CLIC5: variants seen among roughly 807,000 people sequenced by gnomAD.
CLIC5 encodes CLIC family member 5.
In CLIC5, 20 loss-of-function variants were observed where a neutral mutation model predicts 24.7. That is an observed-to-expected ratio of 0.81 (90% CI 0.57 to 1.18). The LOEUF (loss-of-function observed/expected upper bound fraction) is 1.18, where lower values mean the gene tolerates loss of function less well. Among genes scored for constraint, CLIC5 ranks in the 50% most tolerant of loss-of-function variants. CLIC5 has a pLI of 0.00. For synonymous variants in CLIC5, 159 were observed against 135.6 expected, an observed-to-expected ratio of 1.17 and a Z score of -1.20; for missense variants, 341 against 326.1, an observed-to-expected ratio of 1.05 and a Z score of -0.35.
chr6:46,002,119 T>A (rs185806188), intron 1 of CLIC5, among the ~76,000 whole-genome samples: 1 of 152,204 alleles, frequency 6.6e-6, no homozygotes, highest in Non-Finnish European at 1.5e-5. Flanking sequence ...CAAGGAGGAA[T>A]GAAGCTGCTA....
Position 45,903,121 on chromosome 6 carries a change from G to A in CLIC5, c.723C>T (p.Tyr241=), listed in dbSNP as rs150143344. 1.5e-4 allele frequency: 248 copies of A among 1,614,048 alleles called. 3 individuals are homozygous for A. Among genetic ancestry groups the A allele is most frequent in the South Asian group, 3.0e-4 (27 of 91,086 alleles). The change falls in exon 6 of 6, where the codon TAC becomes TAT. Residue 241 remains tyrosine (Y), a synonymous_variant. Transcript: ENST00000339561. The stretch of plus-strand genomic sequence containing the variant: ...GGCTGAGGCGTTTGGCGACATCAGC[G>A]TAGGCCAACTCGATCTCACTGTCAG... ...CAADSEIELA[Y]ADVAKRLSRS is the part of the protein sequence containing the mutation.
intron 1 of CLIC5, among the ~76,000 whole-genome samples, chr6:46,046,631 A>T (rs187888172): frequency 6.6e-6 from 1 of 152,346 alleles, no homozygotes; most frequent in East Asian, 1.9e-4. Context: ...TGATTTTGAT[A>T]AAGTCCACTT....
rs541672759 is a variant in CLIC5 at position 46,001,416 on chromosome 6, C to T, written c.63+14064G>A. 2.0e-5 allele frequency among the ~76,000 whole-genome samples: 3 copies of T among 152,308 alleles called. No homozygotes were observed. The South Asian group carries it at 6.2e-4, about 32-fold the overall frequency. ...CTCATGTTGCACACTTGAACTGAAC[C>T]CCAACTTCTTCCCTGGCTGTGCTGC... On this transcript the variant is annotated intron_variant, in intron 1 of 5. Coordinates refer to ENST00000339561, the MANE Select transcript of CLIC5 (RefSeq NM_016929.5).
chr6:45,969,997 C>T (rs79501454), intron 1 of CLIC5, among the ~76,000 whole-genome samples: 2,656 of 152,076 alleles, frequency 0.017, 73 homozygotes, highest in African/African-American at 0.058. Flanking sequence ...AAAATGGGGG[C>T]GCAGTGCCTG....
At chr6:46,000,773 C>T (rs1766327133) in intron 1 of CLIC5, among the ~76,000 whole-genome samples, 1 of 152,122 alleles carries the variant, frequency 6.6e-6, no homozygotes, top group East Asian at 1.9e-4. Flanking sequence ...GGGGAAACAA[C>T]CCCCAAGATT....
rs11311720 is a variant in CLIC5, at chr6:45,954,272, C to CAA, written c.173+861_173+862dup. Among the ~76,000 whole-genome samples, 101 of 76,492 alleles carry CAA rather than the reference C, an allele frequency of 1.3e-3. 1 individual carries two copies. Among genetic ancestry groups the CAA allele is most frequent in the African/African-American group, 3.3e-3 (74 of 22,348 alleles). 50.2% of individuals were successfully genotyped at this position (76,492 alleles called of 152,430 possible). A position where few individuals can be genotyped will look rare whatever the true frequency, so the allele number is the denominator to read the frequency against. ...TGAGCAACAGAGTGAGACTCTGTCT[C>CAA]AAAAAAAAAAAAAAAAAAAGAAAGA... On this transcript the variant is annotated intron_variant, in intron 2 of 5. Transcript: ENST00000339561.
At chr6:46,096,966 G>C in the CLIC5 span, 1 of 152,170 alleles carries the variant, frequency 6.6e-6, no homozygotes, top group Non-Finnish European at 1.5e-5. Context: ...ACTTCCTAGG[G>C]GGATGGGATA....
chr6:45,953,322 A>G (rs1237431511), intron 2 of CLIC5, among the ~76,000 whole-genome samples: 1 of 152,170 alleles, frequency 6.6e-6, no homozygotes, highest in East Asian at 1.9e-4. Flanking sequence ...AAATCACGAC[A>G]CAAGGCAACA....
At chr6:45,918,820 G>T (rs181809596) in intron 4 of CLIC5, 209 of 349,796 alleles carry the variant, frequency 6.0e-4, no homozygotes, top group African/African-American at 4.4e-3. Context: ...CTGAATTCCC[G>T]CAGTGAGCTA....
In CLIC5 at chr6:46,054,150, A is replaced by G. The variant is rs554773283; in HGVS notation, c.540+25553T>C. 2.7e-3 allele frequency among the ~76,000 whole-genome samples: 404 copies of G among 152,304 alleles called. 5 individuals are homozygous for G. Among genetic ancestry groups the G allele is most frequent in the African/African-American group, 9.2e-3 (383 of 41,560 alleles). ...CAGACTTGTGTGTTCCTTCACAGCC[A>G]GTCAAACGAGGGACCGACTGGCATT... is the stretch of plus-strand genomic sequence containing the variant. On this transcript the variant is annotated intron_variant, in intron 1 of 5. Coordinates refer to the CLIC5 transcript ENST00000185206.
At chr6:46,005,267 C>T (rs1244670785) in intron 1 of CLIC5, among the ~76,000 whole-genome samples, 1 of 152,226 alleles carries the variant, frequency 6.6e-6, no homozygotes, top group Non-Finnish European at 1.5e-5. Flanking sequence ...CAGTCGGACA[C>T]TTGTTTCTTT....
At chr6:45,995,778 T>C (rs937442391) in intron 1 of CLIC5, among the ~76,000 whole-genome samples, 3 of 152,136 alleles carry the variant, frequency 2.0e-5, no homozygotes, top group Non-Finnish European at 2.9e-5. Context: ...TGGAATACTA[T>C]GCAGCCATAA....
At chr6:45,904,067 G>A (rs138726664) in intron 5 of CLIC5, among the ~76,000 whole-genome samples, 4 of 152,254 alleles carry the variant, frequency 2.6e-5, no homozygotes, top group Non-Finnish European at 4.4e-5. Context: ...AGAAACAAGA[G>A]CAAAGTGATT....
At chr6:45,958,933 C>T (rs930292330) in intron 1 of CLIC5, among the ~76,000 whole-genome samples, 1 of 151,250 alleles carries the variant, frequency 6.6e-6, no homozygotes, top group Admixed American at 6.6e-5. Flanking sequence ...CACTGGCATT[C>T]TGAAAATCAT....
chr6:46,089,120 A>G, the CLIC5 span, among the ~76,000 whole-genome samples: 1 of 152,196 alleles, frequency 6.6e-6, no homozygotes, highest in Non-Finnish European at 1.5e-5. Flanking sequence ...GAGTGGGTAG[A>G]AGTAGGGGAC....
rs1240670846 is a variant in CLIC5 at position 45,911,860 on chromosome 6, G to A, written c.588+2368C>T. On this transcript the variant is annotated intron_variant, in intron 5 of 5. Coordinates refer to ENST00000339561, the MANE Select transcript of CLIC5 (RefSeq NM_016929.5). ...ACCCTGGGCCTTGGCTGCTGAGCTG[G>A]TCATTTCTTCACACATTGGCTTGAC... 5 of 985,492 alleles carry A rather than the reference G, an allele frequency of 5.1e-6. No homozygotes were observed. In the East Asian group the frequency reaches 3.4e-4, roughly 67 times the overall value. The allele number at this position is 985,492 out of a possible 1,614,324, so 61.0% of individuals were successfully genotyped here.
intron 1 of CLIC5, among the ~76,000 whole-genome samples, chr6:46,023,588 C>T (rs957018922): frequency 6.6e-6 from 1 of 151,984 alleles, no homozygotes; most frequent in South Asian, 2.1e-4. Flanking sequence ...CTAAGACACA[C>T]CCAGAGATGA....
chr6:46,021,525 C>T (rs1437787494), intron 1 of CLIC5, among the ~76,000 whole-genome samples: 1 of 152,100 alleles, frequency 6.6e-6, no homozygotes, highest in East Asian at 1.9e-4. Context: ...AAACTGGAAA[C>T]ATCCCCAAAT....
intron 2 of CLIC5, 57 bp downstream of exon 2, chr6:45,955,078 G>T: frequency 2.2e-6 from 3 of 1,335,010 alleles, no homozygotes; most frequent in Non-Finnish European, 3.2e-6. Context: ...CCTCCTTCAT[G>T]GAAGGTTCTC....
Sources: allele counts gnomAD v4.1 joint callset (sites outside exome capture counted in the v4.1 genomes callset), GRCh38; gene constraint gnomAD v4.1.1; transcripts MANE v1.5; gene names NCBI Gene and HGNC (gene_info 2026-07-23, HGNC 2026-07-21).